ROR1: variants seen among roughly 807,000 people sequenced by gnomAD.
ROR1 encodes inactive tyrosine-protein kinase transmembrane receptor ROR1.
Under a neutral mutation model 78.8 loss-of-function variants are expected in ROR1, and 19 were observed. That is an observed-to-expected ratio of 0.24 (90% CI 0.17 to 0.35). The LOEUF is 0.35. Ranked by LOEUF, ROR1 falls within the 10% of genes least tolerant of loss-of-function variation. The pLI, the probability that ROR1 is intolerant of heterozygous loss-of-function variation, is 1.00. For synonymous variants in ROR1, 386 were observed against 433.6 expected (o/e 0.89, Z 1.36); for missense variants, 917 against 1,177.8 (o/e 0.78, Z 3.24).
chr1:64,035,655 C>A (rs1237624323), intron 2 of ROR1, among the ~76,000 whole-genome samples: 1 of 152,042 alleles, frequency 6.6e-6, no homozygotes, highest in Non-Finnish European at 1.5e-5. Flanking sequence ...ATCTGGGGGC[C>A]ATAGAGTGTT....
At position 64,102,365 on chromosome 1, in the gene ROR1, A is replaced by G. The variant is rs150687284; in HGVS notation, c.483-35004A>G. Among the ~76,000 whole-genome samples, 12 of 152,130 alleles carry G rather than the reference A, an allele frequency of 7.9e-5. No individual in the cohort carries two copies. In the East Asian group the frequency reaches 2.3e-3, roughly 29 times the overall value. ...AGGCAAAGAGGGAAAATAAACTTCAACTCCTGGTGTAGACAGTGGAAGGGT... is the reference window on the plus strand; with the variant it reads ...AGGCAAAGAGGGAAAATAAACTTCAGCTCCTGGTGTAGACAGTGGAAGGGT... On this transcript the variant is annotated intron_variant, in intron 4 of 8. Transcript: ENST00000371079.
chr1:64,082,867 C>T (rs1333181819), intron 4 of ROR1, among the ~76,000 whole-genome samples: 1 of 152,252 alleles, frequency 6.6e-6, no homozygotes, highest in East Asian at 1.9e-4. Context: ...TCTTCTCTCT[C>T]TCCCTCTTTC....
intron 1 of ROR1, among the ~76,000 whole-genome samples, chr1:63,862,867 C>T (rs956131209): frequency 2.6e-5 from 4 of 152,136 alleles, no homozygotes; most frequent in Non-Finnish European, 5.9e-5. Context: ...ACAAAGAAGA[C>T]TTTTAAAAAT....
intron 1 of ROR1, among the ~76,000 whole-genome samples, chr1:63,844,865 TC>T (rs1254089400): frequency 6.6e-6 from 1 of 152,192 alleles, no homozygotes; most frequent in African/African-American, 2.4e-5. Context: ...ATCTTCAATT[TC>T]TCAGAATACA....
intron 1 of ROR1, among the ~76,000 whole-genome samples, chr1:64,005,274 A>G (rs1272074538): frequency 6.6e-6 from 1 of 152,222 alleles, no homozygotes; most frequent in Non-Finnish European, 1.5e-5. Flanking sequence ...TTGGTCCATT[A>G]GTTAATCATT....
intron 1 of ROR1, among the ~76,000 whole-genome samples, chr1:63,987,990 A>G (rs1411985840): frequency 6.6e-6 from 1 of 152,198 alleles, no homozygotes; most frequent in Non-Finnish European, 1.5e-5. Flanking sequence ...AGACCTCTGT[A>G]TATTTAAGGC....
chr1:64,137,578 C>A, intron 5 of ROR1, 82 bp downstream of exon 5: 2 of 1,391,890 alleles, frequency 1.4e-6, no homozygotes, highest in Non-Finnish European at 2.0e-6. Flanking sequence ...CCTCTCTTGA[C>A]AAAGGATTAA....
Position 64,108,395 on chromosome 1 carries a change from T to TAAAA in ROR1, c.483-28939_483-28936dup, listed in dbSNP as rs556497678. The TAAAA allele has an allele frequency of 7.5e-4, 36 of 48,296 alleles. 4 individuals carry two copies. The highest frequency in any genetic ancestry group is 2.8e-3 in the African/African-American group (35 of 12,578). 3.0% of individuals were successfully genotyped at this position (48,296 alleles called of 1,614,324 possible). ...ATGGGCGACAGAGTGAGACTCCATC[T>TAAAA]AAAAAAAAAAAAAAAAAAAAAAAAA... On this transcript the variant is annotated intron_variant, in intron 4 of 8. Transcript: ENST00000371079.
At chr1:64,056,502 C>T (rs1043628206) in intron 4 of ROR1, among the ~76,000 whole-genome samples, 4 of 151,852 alleles carry the variant, frequency 2.6e-5, no homozygotes, top group Non-Finnish European at 5.9e-5. Flanking sequence ...TGGTGAAACC[C>T]CGTATCTACT....
At chr1:63,907,846 A>G (rs749502484) in intron 1 of ROR1, among the ~76,000 whole-genome samples, 6 of 152,150 alleles carry the variant, frequency 3.9e-5, no homozygotes, top group Non-Finnish European at 8.8e-5. Context: ...TTACTAGCAA[A>G]TCTTAGGTCT....
chr1:63,829,550 A>T (rs1213171566), intron 1 of ROR1, among the ~76,000 whole-genome samples: 1 of 152,156 alleles, frequency 6.6e-6, no homozygotes, highest in Non-Finnish European at 1.5e-5. Flanking sequence ...AGGGAGTGTG[A>T]TGTAATTGAT....
At chr1:64,141,400 A>G (rs1257498786) in intron 6 of ROR1, among the ~76,000 whole-genome samples, 2 of 152,118 alleles carry the variant, frequency 1.3e-5, no homozygotes, top group Non-Finnish European at 2.9e-5. Flanking sequence ...GGCCATGAGA[A>G]TGAGAACTTA....
At chr1:63,965,131 C>T (rs1196226320) in intron 1 of ROR1, among the ~76,000 whole-genome samples, 3 of 152,204 alleles carry the variant, frequency 2.0e-5, no homozygotes, top group Non-Finnish European at 2.9e-5. Context: ...GTATCATCAT[C>T]TGTATTTTAC....
chr1:64,138,526 G>A (rs938176061), intron 5 of ROR1, among the ~76,000 whole-genome samples: 27 of 151,840 alleles, frequency 1.8e-4, no homozygotes, highest in African/African-American at 5.3e-4. Flanking sequence ...AGAGGAGGCT[G>A]GGGGGAAGAG....
At chr1:63,944,079 G>A (rs1341877203) in intron 1 of ROR1, among the ~76,000 whole-genome samples, 1 of 152,172 alleles carries the variant, frequency 6.6e-6, no homozygotes, top group Non-Finnish European at 1.5e-5. Context: ...TTATTAGCAT[G>A]TTGGGAATGG....
chr1:64,141,351 G>A (rs535979888), intron 6 of ROR1, among the ~76,000 whole-genome samples: 2 of 113,758 alleles, frequency 1.8e-5, no homozygotes, highest in East Asian at 3.0e-4. Flanking sequence ...CATGGCAGGA[G>A]CAAGAGAGTG....
intron 1 of ROR1, among the ~76,000 whole-genome samples, chr1:63,927,606 G>A (rs926907841): frequency 1.3e-5 from 2 of 151,832 alleles, no homozygotes; most frequent in African/African-American, 4.8e-5. Flanking sequence ...CAGCAGTCCT[G>A]GGGGGATGTT....
At chr1:63,867,780 C>T (rs1645225827) in intron 1 of ROR1, among the ~76,000 whole-genome samples, 1 of 152,316 alleles carries the variant, frequency 6.6e-6, no homozygotes, top group South Asian at 2.1e-4. Context: ...AAAAATAAAT[C>T]TAGGATAAGA....
At chr1:63,903,874 A>G (rs1356788997) in intron 1 of ROR1, among the ~76,000 whole-genome samples, 1 of 152,174 alleles carries the variant, frequency 6.6e-6, no homozygotes, top group Non-Finnish European at 1.5e-5. Context: ...TAAGAAACGA[A>G]ATAATCATGA....
Sources: gnomAD v4.1 joint callset for allele counts (sites outside exome capture counted in the v4.1 genomes callset) on GRCh38, gnomAD v4.1.1 for gene constraint, MANE v1.5 for transcripts, NCBI Gene and HGNC (gene_info 2026-07-23, HGNC 2026-07-21) for gene names.